CNOT6: variants seen among roughly 807,000 people sequenced by gnomAD.
CNOT6 encodes CCR4-NOT transcription complex subunit 6.
In CNOT6, 12 loss-of-function variants were observed where a neutral mutation model predicts 61.2. That is an observed-to-expected ratio of 0.20 (90% confidence interval 0.13 to 0.32). The LOEUF (loss-of-function observed/expected upper bound fraction) is 0.32. Among genes scored for constraint, CNOT6 ranks in the 10% least tolerant of loss-of-function variants. CNOT6 has a pLI of 1.00. For synonymous variants in CNOT6, 225 were observed against 240.6 expected (o/e 0.94, Z 0.60); for missense variants, 405 against 663.9 (o/e 0.61, Z 4.28).
chr5:180,564,545 C>T lies in CNOT6; in HGVS notation c.442C>T (p.Arg148Trp), dbSNP rs370738638. 3 of 1,613,938 alleles carry T rather than the reference C, an allele frequency of 1.9e-6. No individual in the cohort carries two copies. The highest frequency in any genetic ancestry group is 1.7e-6 in the Non-Finnish European group (2 of 1,179,880). The change falls in exon 5 of 12, where the codon CGG becomes TGG. Residue 148 changes from arginine (R) to tryptophan (W), a missense_variant. This residue lies in a region of CNOT6 where 212 missense variants were observed against 307.1 expected (regional missense o/e 0.69). Coordinates refer to ENST00000261951, the MANE Select transcript of CNOT6 (RefSeq NM_001370472.1). ...NLYQEPDGTR[R>W]LLNYLLDNLS... Reference sequence around the variant, plus strand: ...TTATCAGGAACCAGATGGAACAAGACGGCTGCTGAACTATTTGCTTGATAA... The same window carrying T: ...TTATCAGGAACCAGATGGAACAAGATGGCTGCTGAACTATTTGCTTGATAA...
intron 2 of CNOT6, among the ~76,000 whole-genome samples, chr5:180,544,591 A>G (rs555854695): frequency 1.3e-5 from 2 of 151,910 alleles, no homozygotes; most frequent in African/African-American, 4.8e-5. Flanking sequence ...CTTTCTGGCT[A>G]CCTTCTACCT....
At chr5:180,532,548 A>G (rs1424375309) in intron 2 of CNOT6, among the ~76,000 whole-genome samples, 2 of 152,114 alleles carry the variant, frequency 1.3e-5, no homozygotes, top group Non-Finnish European at 2.9e-5. Flanking sequence ...CATCAACACA[A>G]AAGAAGACTT....
chr5:180,562,935 G>A (rs926436866), intron 4 of CNOT6, among the ~76,000 whole-genome samples: 4 of 152,164 alleles, frequency 2.6e-5, no homozygotes, highest in African/African-American at 2.4e-5. Flanking sequence ...GCTGTGGTGG[G>A]TATAAAGAAC....
chr5:180,521,622 A>G (rs1757883382), intron 1 of CNOT6, among the ~76,000 whole-genome samples: 2 of 152,194 alleles, frequency 1.3e-5, no homozygotes. Context: ...ACATGGGTAT[A>G]TTGTGTGACA....
chr5:180,508,611 A>C (rs1214595461), intron 1 of CNOT6, among the ~76,000 whole-genome samples: 1 of 151,792 alleles, frequency 6.6e-6, no homozygotes, highest in East Asian at 1.9e-4. Flanking sequence ...CGCCCAGCCT[A>C]GTAAAGTTTT....
chr5:180,529,474 C>T (rs1258741026), intron 2 of CNOT6, 86 bp downstream of exon 2: 6 of 734,576 alleles, frequency 8.2e-6, no homozygotes, highest in Non-Finnish European at 1.4e-5. Context: ...AGGAAAGAAA[C>T]ATTGATTTTA....
intron 1 of CNOT6, among the ~76,000 whole-genome samples, chr5:180,516,093 G>A (rs936249604): frequency 3.3e-5 from 5 of 150,576 alleles, no homozygotes; most frequent in African/African-American, 4.9e-5. Context: ...GTGTAGACAG[G>A]ATCTTCCATG....
chr5:180,533,851 T>A (rs1395868495), intron 2 of CNOT6, among the ~76,000 whole-genome samples: 1 of 152,152 alleles, frequency 6.6e-6, no homozygotes, highest in Non-Finnish European at 1.5e-5. Context: ...ACCAAGGAGA[T>A]TATTTGGAGT....
intron 2 of CNOT6, among the ~76,000 whole-genome samples, chr5:180,531,960 C>T (rs1264300648): frequency 6.6e-6 from 1 of 152,220 alleles, no homozygotes; most frequent in South Asian, 2.1e-4. Flanking sequence ...GCTTTCACAA[C>T]TTTGGTGGCA....
intron 2 of CNOT6, among the ~76,000 whole-genome samples, chr5:180,548,999 C>A (rs1470190664): frequency 6.6e-6 from 1 of 152,148 alleles, no homozygotes; most frequent in African/African-American, 2.4e-5. Flanking sequence ...TCATTCTGTT[C>A]TTAGTCACTG....
At chr5:180,494,891 C>G (rs1415050094) in intron 1 of CNOT6, 128 bp downstream of exon 1, 3 of 152,108 alleles carry the variant, frequency 2.0e-5, no homozygotes, top group African/African-American at 7.2e-5. Context: ...CCCGCTGCTC[C>G]GCAAGCTGGC....
chr5:180,560,719 T>C (rs554308657), intron 4 of CNOT6, among the ~76,000 whole-genome samples: 1 of 152,322 alleles, frequency 6.6e-6, no homozygotes, highest in South Asian at 2.1e-4. Flanking sequence ...GGGTTTTTCT[T>C]GTGTAGGGGT....
Position 180,564,593 on chromosome 5 carries a change from A to G in CNOT6, c.490A>G (p.Ile164Val). ...LDNLSGTAKR[I>V]TTEQPPPRSW... ...TAATTTGTCAGGTACTGCAAAAAGA[A>G]GTAAGTGGTTATTTGTTTAAACCTT... Residue 164 changes from isoleucine (I) to valine (V), a missense_variant and splice_region_variant, in exon 5 of 12, where the codon ATT becomes GTT. By Grantham distance (29) the Ile-to-Val change is conservative. Transcript: ENST00000261951. 6.2e-7 allele frequency: 1 copy of G among 1,612,782 alleles called. No individual in the cohort carries two copies. Among genetic ancestry groups the G allele is most frequent in the South Asian group, 1.1e-5 (1 of 91,044 alleles).
chr5:180,495,800 C>G lies in CNOT6; in HGVS notation c.-3+1037C>G, dbSNP rs953359156. ...ATTTTTTACAATATACTAGAATTTA[C>G]TACTCTAGAACAGATTAGTAGGCTG... On this transcript the variant is annotated intron_variant, in intron 1 of 11. Transcript: ENST00000261951. The G allele has an allele frequency of 2.6e-5, 4 of 152,330 alleles. No individual in the cohort carries two copies. The East Asian group carries it at 7.7e-4, about 29-fold the overall frequency. 9.4% of individuals were successfully genotyped at this position (152,330 alleles called of 1,614,324 possible). A position where few individuals can be genotyped will look rare whatever the true frequency, so the allele number is the denominator to read the frequency against.
At chr5:180,500,655 C>T (rs1416605162) in intron 1 of CNOT6, among the ~76,000 whole-genome samples, 2 of 152,146 alleles carry the variant, frequency 1.3e-5, no homozygotes, top group African/African-American at 2.4e-5. Flanking sequence ...TTGTTTAATA[C>T]TAGTTTTAAA....
intron 4 of CNOT6, among the ~76,000 whole-genome samples, chr5:180,563,707 C>T (rs563448605): frequency 2.0e-5 from 3 of 152,254 alleles, no homozygotes; most frequent in South Asian, 2.1e-4. Flanking sequence ...CTTAAAATGG[C>T]GCTGTGGCAT....
At chr5:180,536,545 T>C (rs1393986109) in intron 2 of CNOT6, among the ~76,000 whole-genome samples, 2 of 151,770 alleles carry the variant, frequency 1.3e-5, no homozygotes, top group East Asian at 3.9e-4. Flanking sequence ...TGAGCTCTAG[T>C]GATCCTCCTG....
At chr5:180,501,351 A>G (rs1307404850) in intron 1 of CNOT6, among the ~76,000 whole-genome samples, 1 of 152,218 alleles carries the variant, frequency 6.6e-6, no homozygotes, top group Non-Finnish European at 1.5e-5. Context: ...TGTTTAGCTT[A>G]GAGAACTGTT....
intron 11 of CNOT6, among the ~76,000 whole-genome samples, chr5:180,571,740 A>AT (rs1408989331): frequency 1.3e-5 from 2 of 151,860 alleles, no homozygotes; most frequent in Non-Finnish European, 2.9e-5. Flanking sequence ...TAATTCTTGT[A>AT]TTTTTTGTAG....
Sources: gnomAD v4.1 joint callset for allele counts (sites outside exome capture counted in the v4.1 genomes callset) on GRCh38, gnomAD v4.1.1 for gene constraint, gnomAD v4.1.1 regional missense constraint, MANE v1.5 for transcripts, NCBI Gene and HGNC (gene_info 2026-07-23, HGNC 2026-07-21) for gene names.